PXN: variants seen among roughly 807,000 people sequenced by gnomAD.
PXN encodes the protein paxillin, also known as testicular tissue protein Li 134.
A neutral mutation model predicts 103.6 loss-of-function variants in PXN; 61 were observed. The observed-to-expected ratio is 0.59, with a 90% CI of 0.48 to 0.73. PXN has a LOEUF of 0.73. Among genes scored for constraint, PXN ranks in the 30% least tolerant of loss-of-function variants. The pLI, the probability that PXN is intolerant of heterozygous loss-of-function variation, is 0.00. For synonymous variants in PXN, 562 were observed against 607.8 expected, an observed-to-expected ratio of 0.92 and a Z score of 1.11; for missense variants, 1,274 against 1,460.3, an observed-to-expected ratio of 0.87 and a Z score of 2.08.
At position 120,222,842 on chromosome 12, in the gene PXN, G is replaced by A. The variant is rs1566386359; in HGVS notation, c.493+21C>T. On this transcript the variant is annotated intron_variant, in intron 4 of 14. Coordinates refer to ENST00000637617, the MANE Select transcript of PXN (RefSeq NM_001385981.1). The surrounding 1 kb of genome is among the most constrained non-coding windows in gnomAD (Gnocchi z 4.7). The stretch of plus-strand genomic sequence containing the variant: ...TGGGCCCTGGGCCCTGGTAGACCCT[G>A]CCCCAGGGACCCGGTCCTACCTGCA... The A allele has an allele frequency of 3.1e-6, 5 of 1,612,218 alleles. No homozygotes were observed. Among genetic ancestry groups the A allele is most frequent in the Non-Finnish European group, 4.2e-6 (5 of 1,179,056 alleles).
In PXN at chr12:120,220,079, T is replaced by C. The variant is rs984713869; in HGVS notation, c.844A>G (p.Thr282Ala). 9 of 1,235,034 alleles carry C rather than the reference T, an allele frequency of 7.3e-6. No homozygotes were observed. The African/African-American group carries it at 1.2e-4, about 17-fold the overall frequency. The allele number at this position is 1,235,034 out of a possible 1,614,324, so 76.5% of individuals were successfully genotyped here. A position where few individuals can be genotyped will look rare whatever the true frequency, so the allele number is the denominator to read the frequency against. Reference sequence around the variant, plus strand: ...AGCCCCGGGGCACTCAGAGCCACAGTGGAGGAGCTGGTCTGGAGAAGAGAG... The same window carrying C: ...AGCCCCGGGGCACTCAGAGCCACAGCGGAGGAGCTGGTCTGGAGAAGAGAG... The part of the protein sequence containing the change: ...SLSDFKTSSS[T>A]VALSAPGLSS... The change falls in exon 7 of 15, where the codon ACT becomes GCT. Residue 282 changes from threonine (T) to alanine (A), a missense_variant. Thr to Ala is a moderately conservative substitution (Grantham distance 58). Around this residue, in one of 2 missense-constraint regions of PXN, gnomAD observed 1,178 missense variants for 1,309.0 expected, o/e 0.90. Coordinates refer to ENST00000637617, the MANE Select transcript of PXN (RefSeq NM_001385981.1). This position sits in a 1 kb window ranked among gnomAD's most constrained non-coding sequence, Gnocchi z 6.1.
chr12:120,219,047 C>T lies in PXN; in HGVS notation c.1716+160G>A, dbSNP rs1379448743. On this transcript the variant is annotated intron_variant, in intron 7 of 14. Coordinates refer to ENST00000637617, the MANE Select transcript of PXN (RefSeq NM_001385981.1). This position sits in a 1 kb window ranked among gnomAD's most constrained non-coding sequence, Gnocchi z 6.5. Reference sequence around the variant, plus strand: ...TGAGAAATGCTGGGTCCACAGAGCCCACTGCCAAGTGCTGACTGTCAGGTC... The same window carrying T: ...TGAGAAATGCTGGGTCCACAGAGCCTACTGCCAAGTGCTGACTGTCAGGTC... 1.3e-5 allele frequency among the ~76,000 whole-genome samples: 2 copies of T among 152,250 alleles called. No individual in the cohort carries two copies. Among genetic ancestry groups the T allele is most frequent in the Admixed American group, 1.3e-4 (2 of 15,288 alleles).
In PXN at chr12:120,222,303, A is replaced by T. The variant is rs12319440; in HGVS notation, c.695+246T>A. ...TGTGAACCCCACTGTGTGGCCCCAA[A>T]GCCTGTGCTAAGAGCTGCTAAGCTC... On this transcript the variant is annotated intron_variant, in intron 5 of 14. Transcript: ENST00000637617. This position sits in a 1 kb window ranked among gnomAD's most constrained non-coding sequence, Gnocchi z 4.7. 0.023 allele frequency among the ~76,000 whole-genome samples: 3,550 copies of T among 152,320 alleles called. 167 individuals carry two copies. Among genetic ancestry groups the T allele is most frequent in the African/African-American group, 0.081 (3,383 of 41,560 alleles).
rs572705526 is a variant in PXN at position 120,217,169 on chromosome 12, C to T, written c.1717-53G>A. 4.9e-5 allele frequency: 70 copies of T among 1,415,386 alleles called. No individual in the cohort carries two copies. Among genetic ancestry groups the T allele is most frequent in the Non-Finnish European group, 6.2e-5 (64 of 1,035,094 alleles). The allele number at this position is 1,415,386 out of a possible 1,614,324, so 87.7% of individuals were successfully genotyped here. A position where few individuals can be genotyped will look rare whatever the true frequency, so the allele number is the denominator to read the frequency against. On this transcript the variant is annotated intron_variant, in intron 7 of 14. Coordinates refer to ENST00000637617, the MANE Select transcript of PXN (RefSeq NM_001385981.1). The surrounding 1 kb of genome is among the most constrained non-coding windows in gnomAD (Gnocchi z 4.1). ...ACCGTCCCACTCCCAGCTTGCACAA[C>T]GCTGCTCAGGCCACACTCAGATGCC... is the stretch of plus-strand genomic sequence containing the variant.
Position 120,215,977 on chromosome 12 carries a change from T to C in PXN, c.2301+296A>G. On this transcript the variant is annotated intron_variant, in intron 9 of 14. Transcript: ENST00000637617. This position sits in a 1 kb window ranked among gnomAD's most constrained non-coding sequence, Gnocchi z 4.9. ...GAAGGGAGGAGACAGGTTTCTGGTCTCCCTTCTGGAGTGGCTTCTTTCCTC... is the reference window on the plus strand; with the variant it reads ...GAAGGGAGGAGACAGGTTTCTGGTCCCCCTTCTGGAGTGGCTTCTTTCCTC... 7.3e-7 allele frequency: 1 copy of C among 1,370,668 alleles called. No homozygotes were observed. Among genetic ancestry groups the C allele is most frequent in the Non-Finnish European group, 9.4e-7 (1 of 1,062,242 alleles). The allele number at this position is 1,370,668 out of a possible 1,614,324, so 84.9% of individuals were successfully genotyped here.
intron 1 of PXN, among the ~76,000 whole-genome samples, chr12:120,239,576 C>T (rs546214238): frequency 3.3e-5 from 5 of 151,180 alleles, no homozygotes; most frequent in East Asian, 2.0e-4. Flanking sequence ...AGTGAGACTC[C>T]GTCTCAAAAA....
chr12:120,243,928 G>C (rs1405535909), intron 1 of PXN, among the ~76,000 whole-genome samples: 1 of 151,998 alleles, frequency 6.6e-6, no homozygotes, highest in Non-Finnish European at 1.5e-5. Flanking sequence ...ATCTTCATCT[G>C]AGCATTGGGC....
chr12:120,235,567 C>T (rs909889845), intron 1 of PXN, among the ~76,000 whole-genome samples: 8 of 152,132 alleles, frequency 5.3e-5, no homozygotes, highest in African/African-American at 1.7e-4. Flanking sequence ...CTCTCCACTC[C>T]CACAACACAC....
Position 120,219,940 on chromosome 12 carries a change from G to A in PXN, c.983C>T (p.Pro328Leu), listed in dbSNP as rs759011013. The A allele has an allele frequency of 1.0e-5, 16 of 1,597,484 alleles. No homozygotes were observed. The highest frequency in any genetic ancestry group is 2.2e-5 in the South Asian group (2 of 91,080). Reference sequence around the variant, plus strand: ...ACTCTGCTCAGTACAAGGGAACTCCGGAGTGTGGCCCTGGCCTCGAGGGGA... The same window carrying A: ...ACTCTGCTCAGTACAAGGGAACTCCAGAGTGTGGCCCTGGCCTCGAGGGGA... ...IPSPRGQGHT[P>L]EFPCTEQSGR... The change falls in exon 7 of 15, where the codon CCG (proline) becomes CTG (leucine). Residue 328 changes from proline (P) to leucine (L), a missense_variant. Pro to Leu is a moderately conservative substitution (Grantham distance 98). This residue lies in a region of PXN where 1,178 missense variants were observed against 1,309.0 expected (regional missense o/e 0.90). Transcript: ENST00000637617. The surrounding 1 kb of genome is among the most constrained non-coding windows in gnomAD (Gnocchi z 6.5).
intron 1 of PXN, among the ~76,000 whole-genome samples, chr12:120,231,146 C>A (rs922652239): frequency 6.6e-6 from 1 of 152,178 alleles, no homozygotes; most frequent in Non-Finnish European, 1.5e-5. Context: ...CTCAGCGGAT[C>A]CTCTAACCTC....
At position 120,216,043 on chromosome 12, in the gene PXN, G is replaced by A. The variant is rs766689596; in HGVS notation, c.2301+230C>T. On this transcript the variant is annotated intron_variant, in intron 9 of 14. Coordinates refer to ENST00000637617, the MANE Select transcript of PXN (RefSeq NM_001385981.1). The surrounding 1 kb of genome is among the most constrained non-coding windows in gnomAD (Gnocchi z 5.1). ...CAGTACTGAGGACCAGTCGAGGAAG[G>A]AGCAGACATGGGTGGACCCACAGAA... 7.5e-7 allele frequency: 1 copy of A among 1,326,412 alleles called. No individual in the cohort carries two copies. Among genetic ancestry groups the A allele is most frequent in the Non-Finnish European group, 9.6e-7 (1 of 1,039,968 alleles). 82.2% of individuals were successfully genotyped at this position (1,326,412 alleles called of 1,614,324 possible). A position where few individuals can be genotyped will look rare whatever the true frequency, so the allele number is the denominator to read the frequency against.
At chr12:120,244,474 G>A (rs1274600176) in intron 1 of PXN, among the ~76,000 whole-genome samples, 5 of 151,708 alleles carry the variant, frequency 3.3e-5, no homozygotes, top group East Asian at 3.9e-4. Context: ...GTGAAACCCC[G>A]TCTCTACTAA....
In PXN at chr12:120,242,946, C is replaced by G. The variant is rs141623232; in HGVS notation, c.14-18569G>C. ...GATGCCCCAAAGGCCAGCCCCATCT[C>G]AGCTATCGTAGCAAGGTCATCCCCA... On this transcript the variant is annotated intron_variant, in intron 1 of 14. Coordinates refer to ENST00000637617, the MANE Select transcript of PXN (RefSeq NM_001385981.1). Among the ~76,000 whole-genome samples the G allele has an allele frequency of 3.1e-3, 470 of 152,006 alleles. 3 individuals are homozygous for G. Among genetic ancestry groups the G allele is most frequent in the African/African-American group, 0.011 (443 of 41,428 alleles).
At position 120,226,176 on chromosome 12, in the gene PXN, G is replaced by A. The variant is rs189427272; in HGVS notation, c.14-1799C>T. On this transcript the variant is annotated intron_variant, in intron 1 of 14. Transcript: ENST00000637617. ...ACCTGCTGTCTTGGCTTCACGCAGT[G>A]TCCTCATTTCCTCTGGGCCCAATCA... is the stretch of plus-strand genomic sequence containing the variant. The A allele has an allele frequency of 6.0e-5, 73 of 1,212,998 alleles. No homozygotes were observed. The East Asian group carries it at 3.3e-3, about 56-fold the overall frequency. The allele number at this position is 1,212,998 out of a possible 1,614,324, so 75.1% of individuals were successfully genotyped here. A position where few individuals can be genotyped will look rare whatever the true frequency, so the allele number is the denominator to read the frequency against.
chr12:120,250,335 G>A (rs1891943353), intron 1 of PXN, among the ~76,000 whole-genome samples: 1 of 152,150 alleles, frequency 6.6e-6, no homozygotes, highest in Non-Finnish European at 1.5e-5. Context: ...CCCTAAAGGG[G>A]TACAGTCACT....
chr12:120,212,126 G>A lies in PXN; in HGVS notation c.*188C>T, dbSNP rs1594315673. 1.1e-6 allele frequency: 1 copy of A among 883,408 alleles called. No individual in the cohort carries two copies. The allele number at this position is 883,408 out of a possible 1,614,324, so 54.7% of individuals were successfully genotyped here. ...GCTACAGGAGGGAGGAGGGGGCCCAGAGGCTCTGGCAGGGGTGAAGACAAG... is the reference window on the plus strand; with the variant it reads ...GCTACAGGAGGGAGGAGGGGGCCCAAAGGCTCTGGCAGGGGTGAAGACAAG... On this transcript the variant is annotated 3_prime_UTR_variant, in exon 15 of 15. Coordinates refer to ENST00000637617, the MANE Select transcript of PXN (RefSeq NM_001385981.1). This position sits in a 1 kb window ranked among gnomAD's most constrained non-coding sequence, Gnocchi z 7.2.
At chr12:120,233,353 C>T (rs1888427603) in intron 1 of PXN, among the ~76,000 whole-genome samples, 1 of 152,116 alleles carries the variant, frequency 6.6e-6, no homozygotes, top group African/African-American at 2.4e-5. Context: ...GTCAACCAGG[C>T]TGGAGTGCAG....
chr12:120,258,585 G>A (rs1362697855), intron 1 of PXN, among the ~76,000 whole-genome samples: 1 of 152,040 alleles, frequency 6.6e-6, no homozygotes, highest in Non-Finnish European at 1.5e-5. Context: ...GGAAAAGCAG[G>A]GTTTCCTTAC....
At position 120,229,987 on chromosome 12, in the gene PXN, T is replaced by A. The variant is rs556874892; in HGVS notation, c.14-5610A>T. Among the ~76,000 whole-genome samples the A allele has an allele frequency of 6.6e-6, 1 of 152,252 alleles. No individual in the cohort carries two copies. The highest frequency in any genetic ancestry group is 1.9e-4 in the East Asian group (1 of 5,176). On this transcript the variant is annotated intron_variant, in intron 1 of 14. Coordinates refer to ENST00000637617, the MANE Select transcript of PXN (RefSeq NM_001385981.1). The surrounding 1 kb of genome is among the most constrained non-coding windows in gnomAD (Gnocchi z 4.0). ...TAGAAGAGGTATAGTCCTGTGGCCC[T>A]CAGGCAGCGCCCCACCTTAGCACGC...
Sources: allele counts gnomAD v4.1 joint callset (sites outside exome capture counted in the v4.1 genomes callset), GRCh38; gene constraint gnomAD v4.1.1; regional missense constraint gnomAD v4.1.1; non-coding constraint Gnocchi (gnomAD v3.1); transcripts MANE v1.5; gene names NCBI Gene and HGNC (gene_info 2026-07-23, HGNC 2026-07-21).